GOLM2: variants seen among roughly 807,000 people sequenced by gnomAD.
GOLM2 encodes the protein golgi membrane protein 2.
Under a neutral mutation model 55.9 loss-of-function variants are expected in GOLM2, and 26 were observed. The ratio of observed to expected loss-of-function variants is 0.47; its 90% confidence interval spans 0.34 to 0.65. GOLM2 has a LOEUF of 0.65. Ranked by LOEUF, GOLM2 falls within the 30% of genes least tolerant of loss-of-function variation. The pLI, the probability that GOLM2 is intolerant of heterozygous loss-of-function variation, is 0.01. For synonymous variants in GOLM2, 165 were observed against 194.6 expected, an observed-to-expected ratio of 0.85 and a Z score of 1.27; for missense variants, 486 against 531.8, an observed-to-expected ratio of 0.91 and a Z score of 0.85.
intron 1 of GOLM2, among the ~76,000 whole-genome samples, chr15:44,304,842 A>G (rs1361940578): frequency 6.6e-6 from 1 of 152,120 alleles, no homozygotes. Context: ...GGCATAAGCC[A>G]CCGTGCCTAG....
intron 6 of GOLM2, among the ~76,000 whole-genome samples, chr15:44,373,319 C>T (rs1228001820): frequency 1.3e-5 from 2 of 151,534 alleles, no homozygotes; most frequent in Non-Finnish European, 2.9e-5. Context: ...TAGCCGGGCG[C>T]AGTGGCGGGC....
At chr15:44,328,847 T>C in intron 3 of GOLM2, 60 bp downstream of exon 3, 3 of 1,076,194 alleles carry the variant, frequency 2.8e-6, no homozygotes, top group Non-Finnish European at 3.9e-6. Flanking sequence ...GCTTTTGGAC[T>C]CAGTTCATTT....
At chr15:44,335,973 C>T (rs1243148144) in intron 4 of GOLM2, among the ~76,000 whole-genome samples, 1 of 151,708 alleles carries the variant, frequency 6.6e-6, no homozygotes, top group Non-Finnish European at 1.5e-5. Flanking sequence ...CGCCACCATG[C>T]CCGACTAATT....
At chr15:44,367,493 C>A (rs1164721435) in intron 6 of GOLM2, among the ~76,000 whole-genome samples, 3 of 152,056 alleles carry the variant, frequency 2.0e-5, no homozygotes, top group Non-Finnish European at 4.4e-5. Context: ...ATTCATTTAG[C>A]ATGTTAAAAG....
intron 8 of GOLM2, among the ~76,000 whole-genome samples, chr15:44,396,155 G>C (rs2079525425): frequency 6.6e-6 from 1 of 151,992 alleles, no homozygotes; most frequent in African/African-American, 2.4e-5. Context: ...AGGAGTTCGA[G>C]ACCAGCCTGG....
intron 1 of GOLM2, among the ~76,000 whole-genome samples, chr15:44,294,515 C>A (rs1016211322): frequency 6.6e-6 from 1 of 151,746 alleles, no homozygotes; most frequent in South Asian, 2.1e-4. Context: ...GAGTTCGAGA[C>A]CAGCCTGGCT....
At chr15:44,297,116 G>C (rs934086188) in intron 1 of GOLM2, among the ~76,000 whole-genome samples, 1 of 152,096 alleles carries the variant, frequency 6.6e-6, no homozygotes, top group African/African-American at 2.4e-5. Context: ...GATTCCTTCA[G>C]TGTATCATAT....
intron 4 of GOLM2, among the ~76,000 whole-genome samples, chr15:44,335,450 A>G (rs1211332746): frequency 2.0e-5 from 3 of 152,228 alleles, no homozygotes; most frequent in Non-Finnish European, 2.9e-5. Context: ...ACTATTTTCA[A>G]TGGAAAAGTA....
intron 4 of GOLM2, among the ~76,000 whole-genome samples, chr15:44,332,813 C>A (rs1356224348): frequency 6.6e-6 from 1 of 152,056 alleles, no homozygotes; most frequent in Non-Finnish European, 1.5e-5. Flanking sequence ...CAATTTGATT[C>A]ATACTTTTTT....
chr15:44,376,158 G>T (rs62024130), intron 6 of GOLM2, among the ~76,000 whole-genome samples: 3 of 152,094 alleles, frequency 2.0e-5, no homozygotes, highest in Admixed American at 6.6e-5. Flanking sequence ...CGCTTGAACC[G>T]GGGAGGCGGA....
chr15:44,372,073 G>T (rs989145431), intron 6 of GOLM2, among the ~76,000 whole-genome samples: 3 of 152,092 alleles, frequency 2.0e-5, no homozygotes, highest in African/African-American at 4.8e-5. Context: ...AAGTCATGCA[G>T]TTAATAAATT....
At chr15:44,398,572 T>G (rs2079542489) in intron 8 of GOLM2, among the ~76,000 whole-genome samples, 1 of 152,172 alleles carries the variant, frequency 6.6e-6, no homozygotes, top group African/African-American at 2.4e-5. Context: ...GTCATTGGAT[T>G]TAAACAGTGA....
intron 6 of GOLM2, among the ~76,000 whole-genome samples, chr15:44,343,988 C>T (rs1364025243): frequency 2.0e-5 from 3 of 151,464 alleles, no homozygotes; most frequent in Admixed American, 1.3e-4. Context: ...CAGTGGCTCA[C>T]GTCTGTAATC....
At position 44,319,754 on chromosome 15, in the gene GOLM2, A is replaced by G. The variant is rs183360012; in HGVS notation, c.328-3211A>G. 1.6e-4 allele frequency among the ~76,000 whole-genome samples: 24 copies of G among 151,870 alleles called. 1 individual carries two copies. The highest frequency in any genetic ancestry group is 5.3e-4 in the African/African-American group (22 of 41,418). ...AGGCATGCACCACTGTGCCTGGCTA[A>G]GTTTTTGTATTTTTTGTAGAGAGGG... is the stretch of plus-strand genomic sequence containing the variant. On this transcript the variant is annotated intron_variant, in intron 1 of 9. Transcript: ENST00000299957.
intron 7 of GOLM2, 54 bp downstream of exon 7, chr15:44,379,842 C>T: frequency 1.0e-6 from 1 of 990,646 alleles, no homozygotes; most frequent in Non-Finnish European, 1.6e-6. Flanking sequence ...TAGTCATGTA[C>T]AGTTATATAG....
intron 3 of GOLM2, among the ~76,000 whole-genome samples, chr15:44,330,208 TAAAA>T (rs746756627): frequency 1.2e-5 from 1 of 81,480 alleles, no homozygotes; most frequent in African/African-American, 5.4e-5. Context: ...CTTGTCTCTT[TAAAA>T]AAAAAAAAAA....
At chr15:44,350,146 A>G (rs1007831372) in intron 6 of GOLM2, among the ~76,000 whole-genome samples, 2 of 152,182 alleles carry the variant, frequency 1.3e-5, no homozygotes, top group African/African-American at 4.8e-5. Flanking sequence ...ATCAGAGCAG[A>G]CATAAATGAA....
At chr15:44,308,932 T>TG in intron 1 of GOLM2, among the ~76,000 whole-genome samples, 1 of 152,258 alleles carries the variant, frequency 6.6e-6, no homozygotes, top group East Asian at 1.9e-4. Context: ...ACTTATACAA[T>TG]GTAATAACAA....
intron 8 of GOLM2, among the ~76,000 whole-genome samples, chr15:44,386,151 G>T (rs2079442460): frequency 6.6e-6 from 1 of 152,058 alleles, no homozygotes; most frequent in Non-Finnish European, 1.5e-5. Flanking sequence ...TTTCTTCTAA[G>T]ACTTTCATAG....
Sources: allele counts gnomAD v4.1 joint callset (sites outside exome capture counted in the v4.1 genomes callset), GRCh38; gene constraint gnomAD v4.1.1; transcripts MANE v1.5; gene names NCBI Gene and HGNC (gene_info 2026-07-23, HGNC 2026-07-21).